ZNF423: variants seen among roughly 807,000 people sequenced by gnomAD.
ZNF423 encodes the protein Ebf-associated zinc finger protein.
Under a neutral mutation model 95.8 loss-of-function variants are expected in ZNF423, and 12 were observed. The ratio of observed to expected loss-of-function variants is 0.13; its 90% CI spans 0.08 to 0.20. The LOEUF is 0.20. Ranked by LOEUF, ZNF423 falls within the 10% of genes least tolerant of loss-of-function variation. ZNF423 has a pLI of 1.00. For synonymous variants in ZNF423, 749 were observed against 711.9 expected, an observed-to-expected ratio of 1.05 and a Z score of -0.83; for missense variants, 1,316 against 1,737.1, an observed-to-expected ratio of 0.76 and a Z score of 4.31.
chr16:49,696,261 G>C (rs1040050079), intron 3 of ZNF423, among the ~76,000 whole-genome samples: 1 of 152,168 alleles, frequency 6.6e-6, no homozygotes, highest in African/African-American at 2.4e-5. Flanking sequence ...TTGCGATGGT[G>C]GGGGGTGGGG....
intron 2 of ZNF423, among the ~76,000 whole-genome samples, chr16:49,778,783 AG>A (rs1411435408): frequency 1.3e-5 from 2 of 152,178 alleles, no homozygotes; most frequent in Non-Finnish European, 2.9e-5. Context: ...ACAGACGCAA[AG>A]CTCAGAGCTA....
intron 3 of ZNF423, among the ~76,000 whole-genome samples, chr16:49,663,377 C>T (rs1350441900): frequency 1.3e-5 from 2 of 152,158 alleles, no homozygotes; most frequent in Non-Finnish European, 2.9e-5. Flanking sequence ...CACCCGATTA[C>T]CACTGAGGCC....
At chr16:49,796,223 C>G (rs1217304831) in intron 1 of ZNF423, among the ~76,000 whole-genome samples, 1 of 152,162 alleles carries the variant, frequency 6.6e-6, no homozygotes, top group Non-Finnish European at 1.5e-5. Flanking sequence ...TTGGCCACAG[C>G]TCGTCCCCTG....
At chr16:49,759,889 A>C (rs970934764) in intron 2 of ZNF423, among the ~76,000 whole-genome samples, 3 of 151,792 alleles carry the variant, frequency 2.0e-5, no homozygotes, top group Admixed American at 1.3e-4. Flanking sequence ...CTCTTTAGAG[A>C]GATTGCGAGT....
chr16:49,660,448 C>A (rs74621927), intron 3 of ZNF423, among the ~76,000 whole-genome samples: 1 of 152,122 alleles, frequency 6.6e-6, no homozygotes, highest in South Asian at 2.1e-4. Flanking sequence ...CAGCAAGGAG[C>A]CACTCAAGAG....
At chr16:49,772,168 C>T (rs1397979597) in intron 2 of ZNF423, among the ~76,000 whole-genome samples, 2 of 152,160 alleles carry the variant, frequency 1.3e-5, no homozygotes, top group African/African-American at 4.8e-5. Flanking sequence ...GTTGTCAGTC[C>T]CAGTCCCAGG....
intron 1 of ZNF423, among the ~76,000 whole-genome samples, chr16:49,798,043 C>A (rs922955838): frequency 1.3e-5 from 2 of 152,140 alleles, no homozygotes; most frequent in African/African-American, 4.8e-5. Flanking sequence ...GATACTATCT[C>A]CATAAAAAAT....
intron 3 of ZNF423, among the ~76,000 whole-genome samples, chr16:49,687,997 C>G (rs1035754023): frequency 2.7e-5 from 4 of 149,538 alleles, no homozygotes; most frequent in Non-Finnish European, 5.9e-5. Flanking sequence ...AGCCAGAGGG[C>G]CTCCAGGAGG....
chr16:49,798,058 A>T (rs1343896831), intron 1 of ZNF423, among the ~76,000 whole-genome samples: 1 of 152,208 alleles, frequency 6.6e-6, no homozygotes, highest in African/African-American at 2.4e-5. Flanking sequence ...AAAAATTTAA[A>T]AAGTAACCAG....
intron 3 of ZNF423, among the ~76,000 whole-genome samples, chr16:49,647,882 G>C (rs916874845): frequency 4.6e-5 from 7 of 152,126 alleles, no homozygotes; most frequent in African/African-American, 1.7e-4. Flanking sequence ...TACCAGGAGT[G>C]GGGTGCTATG....
At chr16:49,743,003 C>T (rs1033219201) in intron 2 of ZNF423, among the ~76,000 whole-genome samples, 2 of 152,076 alleles carry the variant, frequency 1.3e-5, no homozygotes, top group African/African-American at 2.4e-5. Context: ...GCCTCAGCTG[C>T]CCCATCTGTA....
At chr16:49,765,062 C>T (rs2033905433) in intron 2 of ZNF423, among the ~76,000 whole-genome samples, 1 of 151,970 alleles carries the variant, frequency 6.6e-6, no homozygotes, top group Non-Finnish European at 1.5e-5. Context: ...AGTGCCTCCA[C>T]CTCTTTTCTT....
At chr16:49,605,347 C>T (rs1486310991) in intron 5 of ZNF423, among the ~76,000 whole-genome samples, 1 of 152,222 alleles carries the variant, frequency 6.6e-6, no homozygotes, top group Non-Finnish European at 1.5e-5. Flanking sequence ...GCATCCATCC[C>T]AGCCTCTGGC....
chr16:49,769,724 CCT>C (rs942475253), intron 2 of ZNF423, among the ~76,000 whole-genome samples: 23 of 151,508 alleles, frequency 1.5e-4, no homozygotes, highest in African/African-American at 5.1e-4. Flanking sequence ...CCTCTCTCCC[CCT>C]CTCATCTCCC....
intron 3 of ZNF423, among the ~76,000 whole-genome samples, chr16:49,700,928 G>A (rs2032159327): frequency 6.6e-6 from 1 of 152,204 alleles, no homozygotes; most frequent in South Asian, 2.1e-4. Context: ...GAGGGAAGAG[G>A]GAGGAGGGCA....
intron 4 of ZNF423, 129 bp from the exon 5 acceptor site, chr16:49,626,383 GCCATTC>G: frequency 1.4e-6 from 1 of 730,668 alleles, no homozygotes; most frequent in Non-Finnish European, 2.3e-6. Context: ...GTCTCCCCAG[GCCATTC>G]TCTTCCCACC....
chr16:49,710,837 T>C (rs2032520581), intron 3 of ZNF423, among the ~76,000 whole-genome samples: 1 of 151,968 alleles, frequency 6.6e-6, no homozygotes, highest in Admixed American at 6.5e-5. Context: ...CCAGAATGAG[T>C]GTAAAATGAG....
At chr16:49,849,150 G>A (rs1187284487) in intron 1 of ZNF423, among the ~76,000 whole-genome samples, 5 of 152,118 alleles carry the variant, frequency 3.3e-5, no homozygotes, top group Non-Finnish European at 7.4e-5. Flanking sequence ...TGATAGGATC[G>A]CCTTATGATT....
intron 1 of ZNF423, among the ~76,000 whole-genome samples, chr16:49,829,573 C>T (rs142668331): frequency 6.4e-4 from 98 of 152,328 alleles, no homozygotes; most frequent in African/African-American, 2.2e-3. Context: ...CTTCAGCGGG[C>T]ACCTACCAGC....
Sources: gnomAD v4.1 joint callset for allele counts (sites outside exome capture counted in the v4.1 genomes callset) on GRCh38, gnomAD v4.1.1 for gene constraint, MANE v1.5 for transcripts, NCBI Gene and HGNC (gene_info 2026-07-23, HGNC 2026-07-21) for gene names.